AK4: variants seen among roughly 807,000 people sequenced by gnomAD.
AK4 encodes adenylate kinase 4, mitochondrial.
Under a neutral mutation model 24.6 loss-of-function variants are expected in AK4, and 13 were observed. That is an observed-to-expected ratio of 0.53 (90% confidence interval 0.34 to 0.84). The LOEUF (loss-of-function observed/expected upper bound fraction) is 0.84. AK4 is among the 40% of genes least tolerant of loss of function. The probability of loss-of-function intolerance (pLI) is 0.01; values close to 1 mark genes in which losing one functional copy is unlikely to be tolerated. For missense variants in AK4, 192 were observed against 288.2 expected (o/e 0.67, Z 2.42); for synonymous variants, 88 against 107.0 (o/e 0.82, Z 1.10).
In AK4 at chr1:65,228,948, G is replaced by C. The variant is rs1162511920; in HGVS notation, c.*2771G>C. On this transcript the variant is annotated 3_prime_UTR_variant, in exon 5 of 5. Coordinates refer to ENST00000327299, the MANE Select transcript of AK4 (RefSeq NM_013410.4). The stretch of plus-strand genomic sequence containing the variant: ...CTAACGCAGACTTAAGATAGGTACT[G>C]TTTATTGAAAACCTACTGAGTGAAA... 2 of 152,140 alleles carry C rather than the reference G, an allele frequency of 1.3e-5. No individual in the cohort carries two copies. Among genetic ancestry groups the C allele is most frequent in the Non-Finnish European group, 2.9e-5 (2 of 68,036 alleles). The allele number at this position is 152,140 out of a possible 1,614,324, so 9.4% of individuals were successfully genotyped here.
intron 2 of AK4, among the ~76,000 whole-genome samples, chr1:65,209,021 GA>G (rs1651894172): frequency 4.6e-5 from 7 of 152,130 alleles, no homozygotes; most frequent in African/African-American, 1.7e-4. Flanking sequence ...ACAACCTGTA[GA>G]TGTCATAATT....
At chr1:65,210,887 C>G (rs1333434568) in intron 2 of AK4, among the ~76,000 whole-genome samples, 3 of 152,142 alleles carry the variant, frequency 2.0e-5, no homozygotes, top group Admixed American at 1.3e-4. Flanking sequence ...TTTTCATAGG[C>G]ACAGAGAGGT....
chr1:65,191,508 A>T (rs759853404), intron 2 of AK4, among the ~76,000 whole-genome samples: 3 of 151,082 alleles, frequency 2.0e-5, no homozygotes, highest in Non-Finnish European at 3.0e-5. Context: ...GAATAGATAG[A>T]TGGTCCTCAG....
intron 1 of AK4, chr1:65,166,014 CAAGTGGTAGGCACAGG>C (rs1301309382): frequency 6.6e-6 from 1 of 152,226 alleles, no homozygotes; most frequent in Admixed American, 6.6e-5. Flanking sequence ...TTCGGCACAG[CAAGTGGTAGGCACAGG>C]GAGTTGGCTA....
At chr1:65,213,146 G>A (rs1167683537) in intron 2 of AK4, among the ~76,000 whole-genome samples, 1 of 152,184 alleles carries the variant, frequency 6.6e-6, no homozygotes, top group Non-Finnish European at 1.5e-5. Flanking sequence ...TAGTTCCTTG[G>A]AAGTTATACC....
intron 1 of AK4, among the ~76,000 whole-genome samples, chr1:65,174,933 C>G (rs1199774138): frequency 6.6e-6 from 1 of 151,872 alleles, no homozygotes; most frequent in African/African-American, 2.4e-5. Flanking sequence ...TTTATTTTTT[C>G]TTTTTAAAAT....
Position 65,193,771 on chromosome 1 carries a change from C to T in AK4, c.265+2942C>T, listed in dbSNP as rs532928017. On this transcript the variant is annotated intron_variant, in intron 2 of 4. Coordinates refer to ENST00000327299, the MANE Select transcript of AK4 (RefSeq NM_013410.4). ...TGCAAATACTGTATGCATTTGGTTG[C>T]GAATGTGGAACCCAGTGATATGGAG... Among the ~76,000 whole-genome samples the T allele has an allele frequency of 5.3e-5, 8 of 152,296 alleles. No homozygotes were observed. In the East Asian group the frequency reaches 5.8e-4, roughly 11 times the overall value.
chr1:65,169,529 C>G (rs1650441962), intron 1 of AK4, among the ~76,000 whole-genome samples: 1 of 152,144 alleles, frequency 6.6e-6, no homozygotes, highest in African/African-American at 2.4e-5. Context: ...AGAGCTAACA[C>G]ACAGGGTTTT....
intron 4 of AK4, among the ~76,000 whole-genome samples, chr1:65,225,619 C>T (rs1361848096): frequency 6.6e-6 from 1 of 152,180 alleles, no homozygotes; most frequent in East Asian, 1.9e-4. Flanking sequence ...CTGTTACAAT[C>T]ACTTTCTGGC....
intron 1 of AK4, among the ~76,000 whole-genome samples, chr1:65,171,173 C>T (rs1444184055): frequency 7.2e-6 from 1 of 139,840 alleles, no homozygotes; most frequent in Non-Finnish European, 1.5e-5. Context: ...ATTTCCCAGG[C>T]TGGTCTGGAA....
intron 1 of AK4, among the ~76,000 whole-genome samples, chr1:65,178,293 G>T (rs1377214877): frequency 1.3e-5 from 2 of 152,204 alleles, no homozygotes; most frequent in South Asian, 2.1e-4. Flanking sequence ...CACTGCATAT[G>T]ATTGTACAAA....
rs367583150 is a variant in AK4, at chr1:65,150,285, C to CTCTCTT, written c.145+1734_145+1735insCTCTTT. Among the ~76,000 whole-genome samples, 8 of 140,908 alleles carry CTCTCTT rather than the reference C, an allele frequency of 5.7e-5. No individual in the cohort carries two copies. The South Asian group carries it at 6.9e-4, about 12-fold the overall frequency. The allele number at this position is 140,908 out of a possible 152,430, so 92.4% of individuals were successfully genotyped here. A position where few individuals can be genotyped will look rare whatever the true frequency, so the allele number is the denominator to read the frequency against. On this transcript the variant is annotated intron_variant, in intron 1 of 4. Coordinates refer to ENST00000327299, the MANE Select transcript of AK4 (RefSeq NM_013410.4). ...TTGTTCTCTCTTTCTCTCTCTCTCTCTTTTTTTTTTTTAACTTTCCTGTGT... is the reference window on the plus strand; with the variant it reads ...TTGTTCTCTCTTTCTCTCTCTCTCTCTCTCTTTTTTTTTTTTTTAACTTTCCTGTGT...
At chr1:65,167,601 T>G (rs1252166363) in intron 1 of AK4, among the ~76,000 whole-genome samples, 1 of 152,188 alleles carries the variant, frequency 6.6e-6, no homozygotes, top group African/African-American at 2.4e-5. Flanking sequence ...CTAGGGTTCT[T>G]AGAGACTAAA....
At chr1:65,220,537 G>A (rs988041188) in intron 3 of AK4, among the ~76,000 whole-genome samples, 6 of 152,134 alleles carry the variant, frequency 3.9e-5, no homozygotes, top group African/African-American at 9.7e-5. Context: ...GTGCAGTGGC[G>A]TGATCTCAGC....
In AK4 at chr1:65,227,378, T is replaced by C. The variant is rs537128936; in HGVS notation, c.*1201T>C. Reference sequence around the variant, plus strand: ...AGCTTTATGATTATGAGAAAACAAATTCTTTATTTTTTTTTTCTGTTCCAA... The same window carrying C: ...AGCTTTATGATTATGAGAAAACAAACTCTTTATTTTTTTTTTCTGTTCCAA... On this transcript the variant is annotated 3_prime_UTR_variant, in exon 5 of 5. Transcript: ENST00000327299. 1 of 152,422 alleles carries C rather than the reference T, an allele frequency of 6.6e-6. No homozygotes were observed. The highest frequency in any genetic ancestry group is 1.5e-5 in the Non-Finnish European group (1 of 68,008). 9.4% of individuals were successfully genotyped at this position (152,422 alleles called of 1,614,324 possible). A position where few individuals can be genotyped will look rare whatever the true frequency, so the allele number is the denominator to read the frequency against.
intron 1 of AK4, among the ~76,000 whole-genome samples, chr1:65,171,515 C>T (rs982046529): frequency 2.6e-5 from 4 of 151,648 alleles, no homozygotes; most frequent in Admixed American, 6.6e-5. Flanking sequence ...CTAAATTGGC[C>T]GGGCTGGTCT....
At chr1:65,198,482 T>C (rs1267492961) in intron 2 of AK4, among the ~76,000 whole-genome samples, 1 of 152,072 alleles carries the variant, frequency 6.6e-6, no homozygotes, top group East Asian at 1.9e-4. Context: ...CTGGTGACAG[T>C]GAAGAAGAAT....
At chr1:65,154,654 A>G (rs1364338232) in intron 1 of AK4, 17 of 450,534 alleles carry the variant, frequency 3.8e-5, no homozygotes, top group Non-Finnish European at 6.8e-5. Flanking sequence ...GGACTAAATG[A>G]TCCTCCTTCA....
chr1:65,203,944 G>A (rs569434244), intron 2 of AK4, among the ~76,000 whole-genome samples: 1 of 152,158 alleles, frequency 6.6e-6, no homozygotes, highest in African/African-American at 2.4e-5. Context: ...TAGGGCTAAA[G>A]GGAGAATGAG....
Sources: allele counts gnomAD v4.1 joint callset (sites outside exome capture counted in the v4.1 genomes callset), GRCh38; gene constraint gnomAD v4.1.1; transcripts MANE v1.5; gene names NCBI Gene and HGNC (gene_info 2026-07-23, HGNC 2026-07-21).